Variants in AUTS2 observed in about 807,000 individuals in gnomAD.
AUTS2 encodes autism susceptibility gene 2 protein.
AUTS2 carries 17 observed loss-of-function variants against 112.4 expected under a neutral mutation model. The observed-to-expected ratio is 0.15, with a 90% CI of 0.10 to 0.23. The LOEUF is 0.23. Ranked by LOEUF, AUTS2 falls within the 10% of genes least tolerant of loss-of-function variation. AUTS2 has a pLI of 1.00. For synonymous variants in AUTS2, 751 were observed against 702.7 expected, an observed-to-expected ratio of 1.07 and a Z score of -1.09; for missense variants, 1,510 against 1,701.6, an observed-to-expected ratio of 0.89 and a Z score of 1.98.
chr7:70,068,445 A>C (rs1375937205), intron 2 of AUTS2, among the ~76,000 whole-genome samples: 1 of 152,016 alleles, frequency 6.6e-6, no homozygotes, highest in East Asian at 1.9e-4. Context: ...TGGCCTCCCA[A>C]AGTGCTGAGA....
At chr7:70,567,632 C>T (rs992127432) in intron 5 of AUTS2, among the ~76,000 whole-genome samples, 4 of 152,210 alleles carry the variant, frequency 2.6e-5, no homozygotes, top group African/African-American at 9.6e-5. Context: ...TTTAATTGGG[C>T]TCATTCCACT....
At chr7:70,511,967 C>T (rs1016668521) in intron 5 of AUTS2, among the ~76,000 whole-genome samples, 2 of 152,190 alleles carry the variant, frequency 1.3e-5, no homozygotes, top group African/African-American at 4.8e-5. Flanking sequence ...ACCTGAACCC[C>T]ACCCAACTTC....
At chr7:70,506,214 G>A (rs1013412644) in intron 5 of AUTS2, among the ~76,000 whole-genome samples, 5 of 152,200 alleles carry the variant, frequency 3.3e-5, no homozygotes, top group African/African-American at 1.2e-4. Context: ...TGAGAGGAGA[G>A]GAGAGAAAGA....
intron 1 of AUTS2, among the ~76,000 whole-genome samples, chr7:69,655,789 C>T (rs1357941769): frequency 6.6e-6 from 1 of 152,118 alleles, no homozygotes; most frequent in Admixed American, 6.5e-5. Flanking sequence ...CCGTGCCTTC[C>T]TGGGGACCTG....
At chr7:70,571,900 T>C (rs1801957846) in intron 5 of AUTS2, among the ~76,000 whole-genome samples, 1 of 152,186 alleles carries the variant, frequency 6.6e-6, no homozygotes, top group African/African-American at 2.4e-5. Flanking sequence ...AATCTGATCC[T>C]GTTAGGGGAA....
At chr7:69,634,531 A>T (rs528254221) in intron 1 of AUTS2, among the ~76,000 whole-genome samples, 2 of 152,320 alleles carry the variant, frequency 1.3e-5, no homozygotes, top group African/African-American at 4.8e-5. Flanking sequence ...ATTGTAGGCT[A>T]ATGAACAGTG....
intron 4 of AUTS2, among the ~76,000 whole-genome samples, chr7:70,319,299 TG>T (rs543142825): frequency 7.9e-5 from 12 of 152,246 alleles, no homozygotes; most frequent in Non-Finnish European, 1.5e-4. Context: ...ATTTGCGAGT[TG>T]GGGGATGCTG....
At chr7:69,670,272 C>A (rs982862184) in intron 1 of AUTS2, among the ~76,000 whole-genome samples, 1 of 152,060 alleles carries the variant, frequency 6.6e-6, no homozygotes, top group African/African-American at 2.4e-5. Context: ...TTGCTGAGGT[C>A]CTTTCCAGCC....
intron 2 of AUTS2, among the ~76,000 whole-genome samples, chr7:70,033,520 A>G (rs1408148780): frequency 3.9e-5 from 6 of 152,188 alleles, no homozygotes; most frequent in Admixed American, 3.3e-4. Context: ...CCTTGCAGAG[A>G]TTGGCAAATA....
At chr7:69,749,658 A>G (rs908621546) in intron 1 of AUTS2, among the ~76,000 whole-genome samples, 1 of 152,180 alleles carries the variant, frequency 6.6e-6, no homozygotes, top group Non-Finnish European at 1.5e-5. Context: ...GGCTGTTCAT[A>G]TGGCAACTTT....
chr7:70,562,032 T>C (rs1801510088), intron 5 of AUTS2, among the ~76,000 whole-genome samples: 1 of 152,192 alleles, frequency 6.6e-6, no homozygotes, highest in South Asian at 2.1e-4. Context: ...TAAAAAAGCC[T>C]GGCACTTCTT....
At chr7:70,088,957 T>C (rs1314140408) in intron 2 of AUTS2, among the ~76,000 whole-genome samples, 2 of 152,222 alleles carry the variant, frequency 1.3e-5, no homozygotes, top group Non-Finnish European at 2.9e-5. Context: ...TTTTTATCCA[T>C]ATCAAAATAC....
chr7:69,823,424 G>C (rs1204486790), intron 1 of AUTS2, among the ~76,000 whole-genome samples: 2 of 152,158 alleles, frequency 1.3e-5, no homozygotes, highest in Admixed American at 1.3e-4. Flanking sequence ...CTTGAAAGGA[G>C]CCTGCTTGTT....
chr7:69,834,441 G>A (rs1791633061), intron 1 of AUTS2, among the ~76,000 whole-genome samples: 1 of 152,152 alleles, frequency 6.6e-6, no homozygotes, highest in Non-Finnish European at 1.5e-5. Flanking sequence ...CCTTAGTGCT[G>A]GAGGCAGGTT....
At chr7:69,783,314 G>T (rs1789226861) in intron 1 of AUTS2, among the ~76,000 whole-genome samples, 1 of 152,002 alleles carries the variant, frequency 6.6e-6, no homozygotes, top group East Asian at 1.9e-4. Flanking sequence ...GGAGGAAACA[G>T]GCCCACGATG....
chr7:70,167,825 A>G (rs767133491), intron 4 of AUTS2, among the ~76,000 whole-genome samples: 3 of 152,246 alleles, frequency 2.0e-5, no homozygotes, highest in Admixed American at 6.5e-5. Context: ...ATCAAAGAGT[A>G]AGTCTCAAAT....
chr7:70,280,284 C>CTTTT (rs530905531), intron 4 of AUTS2, among the ~76,000 whole-genome samples: 32 of 135,526 alleles, frequency 2.4e-4, no homozygotes, highest in African/African-American at 5.7e-4. Context: ...TTCTTTCTTT[C>CTTTT]TTTTTTTTTT....
At chr7:69,912,611 C>T (rs2129541974) in intron 2 of AUTS2, among the ~76,000 whole-genome samples, 1 of 152,330 alleles carries the variant, frequency 6.6e-6, no homozygotes, top group Non-Finnish European at 1.5e-5. Flanking sequence ...AGTTTAAAAA[C>T]CGTTTTCATG....
rs140989959 is a variant in AUTS2, at chr7:70,655,472, A to G, written c.691-43097A>G. 6.4e-3 allele frequency among the ~76,000 whole-genome samples: 978 copies of G among 152,334 alleles called. 4 individuals carry two copies. The highest frequency in any genetic ancestry group is 0.023 in the South Asian group (113 of 4,830). On this transcript the variant is annotated intron_variant, in intron 5 of 18. Transcript: ENST00000342771. The stretch of plus-strand genomic sequence containing the variant: ...TCAGTGTTGGGGGATGACTTCCCTC[A>G]TGGATGCAAGAAGGTTACTGAAACG...
Sources: allele counts gnomAD v4.1 joint callset (sites outside exome capture counted in the v4.1 genomes callset), GRCh38; gene constraint gnomAD v4.1.1; transcripts MANE v1.5; gene names NCBI Gene and HGNC (gene_info 2026-07-23, HGNC 2026-07-21).